The following SNAP25 variants were observed in gnomAD, a reference collection of about 807,000 sequenced individuals.
The protein encoded by SNAP25 is synaptosomal-associated protein 25.
In SNAP25, 3 loss-of-function variants were observed where a neutral mutation model predicts 28.7. The ratio of observed to expected loss-of-function variants is 0.10; its 90% confidence interval spans 0.05 to 0.27. The LOEUF (loss-of-function observed/expected upper bound fraction) is 0.27, where lower values mean the gene tolerates loss of function less well. SNAP25 is among the 10% of genes least tolerant of loss of function. The pLI is 1.00. For missense variants in SNAP25, 117 were observed against 278.7 expected (o/e 0.42, Z 4.13); for synonymous variants, 61 against 88.1 (o/e 0.69, Z 1.72).
At chr20:10,277,760 A>C (rs1353662656) in intron 3 of SNAP25, 34 bp downstream of exon 3, 1 of 1,590,938 alleles carries the variant, frequency 6.3e-7, no homozygotes, top group Non-Finnish European at 8.6e-7. Context: ...ATAAAGGAAC[A>C]AATCCCTTAT....
At chr20:10,256,316 A>T (rs2063318098) in intron 1 of SNAP25, among the ~76,000 whole-genome samples, 1 of 152,242 alleles carries the variant, frequency 6.6e-6, no homozygotes, top group Non-Finnish European at 1.5e-5. Context: ...TTGAGTCATA[A>T]ACTAATGGAG....
At chr20:10,270,624 A>G (rs901300434) in intron 1 of SNAP25, among the ~76,000 whole-genome samples, 5 of 151,886 alleles carry the variant, frequency 3.3e-5, no homozygotes, top group Non-Finnish European at 7.4e-5. Flanking sequence ...TACTTGAACC[A>G]GGAGGCAGAG....
At position 10,296,995 on chromosome 20, in the gene SNAP25, G is replaced by A. The variant is rs1447601781; in HGVS notation, c.352G>A (p.Ala118Thr). The A allele has an allele frequency of 6.2e-7, 1 of 1,613,158 alleles. No homozygotes were observed. The highest frequency in any genetic ancestry group is 1.7e-5 in the Admixed American group (1 of 59,818). Reference protein sequence around the residue: ...NQDGVVASQPARVVDEREQMA... With the variant: ...NQDGVVASQPTRVVDEREQMA... ...GGACGGAGTGGTGGCCAGCCAGCCT[G>A]CTCGTGTAGTGGACGAACGGGAGCA... Residue 118 changes from alanine to threonine, a missense_variant, in exon 6 of 8, where the codon GCT becomes ACT. Transcript: ENST00000254976.
At chr20:10,248,977 C>G (rs551446549) in intron 1 of SNAP25, among the ~76,000 whole-genome samples, 163 of 152,254 alleles carry the variant, frequency 1.1e-3, no homozygotes, top group Middle Eastern at 3.4e-3. Context: ...CTGTTAATTC[C>G]GCTTCACAGA....
chr20:10,292,977 C>A, intron 4 of SNAP25, 184 bp from the exon 5 acceptor site: 1 of 1,611,784 alleles, frequency 6.2e-7, no homozygotes, highest in Non-Finnish European at 8.5e-7. Context: ...ATGCTGTGGC[C>A]TTTTCATATG....
rs770874027 is a variant in SNAP25, at chr20:10,293,188, T to C, written c.191T>C (p.Met64Thr). Residue 64 changes from methionine to threonine, a missense_variant, in exon 5 of 8, where the codon ATG (methionine) becomes ACG (threonine). Around this residue, in one of 3 missense-constraint regions of SNAP25, gnomAD observed 88 missense variants for 206.9 expected, o/e 0.43. Coordinates refer to ENST00000254976, the MANE Select transcript of SNAP25 (RefSeq NM_130811.4). The surrounding 1 kb of genome is among the most constrained non-coding windows in gnomAD (Gnocchi z 5.6). ...CAACTGGAACGCATTGAGGAAGGGATGGACCAAATCAATAAGGACATGAAA... is the reference window on the plus strand; with the variant it reads ...CAACTGGAACGCATTGAGGAAGGGACGGACCAAATCAATAAGGACATGAAA... ...GEQLERIEEG[M>T]DQINKDMKEA... 1 of 1,614,092 alleles carries C rather than the reference T, an allele frequency of 6.2e-7. No homozygotes were observed. Among genetic ancestry groups the C allele is most frequent in the Non-Finnish European group, 8.5e-7 (1 of 1,179,994 alleles).
intron 7 of SNAP25, among the ~76,000 whole-genome samples, chr20:10,301,879 T>A (rs6133848): frequency 3.5e-5 from 5 of 144,146 alleles, no homozygotes; most frequent in Non-Finnish European, 7.5e-5. Context: ...ATATAATATA[T>A]AATATATATA....
intron 1 of SNAP25, among the ~76,000 whole-genome samples, chr20:10,240,946 G>C (rs2063017687): frequency 6.6e-6 from 1 of 152,186 alleles, no homozygotes. Flanking sequence ...ATCACAGCAG[G>C]CTTTGGGGGT....
Position 10,275,484 on chromosome 20 carries a change from C to G in SNAP25, c.-8C>G. On this transcript the variant is annotated 5_prime_UTR_variant, in exon 2 of 8. Coordinates refer to ENST00000254976, the MANE Select transcript of SNAP25 (RefSeq NM_130811.4). ...AGCCCAGGCGCCCAGCCACTCCCCA[C>G]CGCTACCATGGCCGAAGACGCAGAC... The G allele has an allele frequency of 6.2e-7, 1 of 1,600,596 alleles. No homozygotes were observed. Among genetic ancestry groups the G allele is most frequent in the Non-Finnish European group, 8.5e-7 (1 of 1,173,302 alleles).
At chr20:10,285,877 A>G (rs2063867431) in intron 4 of SNAP25, among the ~76,000 whole-genome samples, 2 of 152,250 alleles carry the variant, frequency 1.3e-5, no homozygotes, top group African/African-American at 2.4e-5. Context: ...GCAGACTGGC[A>G]TAAATTTTAA....
intron 1 of SNAP25, among the ~76,000 whole-genome samples, chr20:10,263,987 A>G (rs1264401108): frequency 1.3e-5 from 2 of 152,170 alleles, no homozygotes; most frequent in Non-Finnish European, 2.9e-5. Flanking sequence ...CTGTTGCATA[A>G]TACAAACCAC....
rs362998 is a variant in SNAP25 at position 10,296,973 on chromosome 20, C to T, written c.330C>T (p.Asp110=). The part of the protein sequence containing the change: ...AYKKAWGNNQ[D]GVVASQPARV... ...AAAAAGCCTGGGGCAATAATCAGGA[C>T]GGAGTGGTGGCCAGCCAGCCTGCTC... The change falls in exon 6 of 8, where the codon GAC becomes GAT. Residue 110 remains aspartate, a synonymous_variant. Transcript: ENST00000254976. 0.082 allele frequency: 132,033 copies of T among 1,613,744 alleles called. 7,127 individuals are homozygous for T. The highest frequency in any genetic ancestry group is 0.22 in the East Asian group (9,907 of 44,854).
intron 1 of SNAP25, among the ~76,000 whole-genome samples, chr20:10,220,945 T>C (rs80007170): frequency 0.028 from 4,234 of 152,226 alleles, 212 homozygotes; most frequent in African/African-American, 0.096. Flanking sequence ...TGTTTCCATG[T>C]ATGTATATGT....
chr20:10,272,959 C>T (rs2063623333), intron 1 of SNAP25, among the ~76,000 whole-genome samples: 1 of 152,106 alleles, frequency 6.6e-6, no homozygotes, highest in South Asian at 2.1e-4. Flanking sequence ...TATGATTTCT[C>T]CTTTTTCACA....
At chr20:10,237,890 A>G (rs930933197) in intron 1 of SNAP25, among the ~76,000 whole-genome samples, 1 of 152,174 alleles carries the variant, frequency 6.6e-6, no homozygotes, top group African/African-American at 2.4e-5. Flanking sequence ...AGGCCCAGCC[A>G]TGTCCAGCCC....
At chr20:10,296,471 G>C (rs367959106) in intron 5 of SNAP25, 1 of 161,134 alleles carries the variant, frequency 6.2e-6, no homozygotes, top group South Asian at 1.7e-4. Flanking sequence ...GTAAAAACTT[G>C]GTTGAGGATG....
chr20:10,306,326 C>T lies in SNAP25; in HGVS notation c.*129C>T. On this transcript the variant is annotated 3_prime_UTR_variant, in exon 8 of 8. Coordinates refer to ENST00000254976, the MANE Select transcript of SNAP25 (RefSeq NM_130811.4). ...GTCCACCCCCATTGTGAATGTTGTCCTGTGTCATCTGTCAGCTTCCCAACA... is the reference window on the plus strand; with the variant it reads ...GTCCACCCCCATTGTGAATGTTGTCTTGTGTCATCTGTCAGCTTCCCAACA... The T allele has an allele frequency of 1.4e-6, 1 of 733,880 alleles. No homozygotes were observed. Among genetic ancestry groups the T allele is most frequent in the Non-Finnish European group, 2.3e-6 (1 of 434,214 alleles). The allele number at this position is 733,880 out of a possible 1,614,324, so 45.5% of individuals were successfully genotyped here.
At chr20:10,296,047 C>G (rs2064101875) in intron 5 of SNAP25, among the ~76,000 whole-genome samples, 1 of 152,240 alleles carries the variant, frequency 6.6e-6, no homozygotes. Flanking sequence ...AAGGCTATTA[C>G]TGTCCTGCTA....
rs757577862 is a variant in SNAP25 at position 10,292,841 on chromosome 20, A to C, written c.164-320A>C. 10 of 1,400,566 alleles carry C rather than the reference A, an allele frequency of 7.1e-6. No homozygotes were observed. The Admixed American group carries it at 8.6e-5, about 12-fold the overall frequency. 86.8% of individuals were successfully genotyped at this position (1,400,566 alleles called of 1,614,324 possible). ...TTCTCATGTTCTGTTGGAGACCCCC[A>C]AAAAATTCATTCCACACTGTCATCC... On this transcript the variant is annotated intron_variant, in intron 4 of 7. Transcript: ENST00000254976.
Sources: allele counts gnomAD v4.1 joint callset (sites outside exome capture counted in the v4.1 genomes callset), GRCh38; gene constraint gnomAD v4.1.1; regional missense constraint gnomAD v4.1.1; non-coding constraint Gnocchi (gnomAD v3.1); transcripts MANE v1.5; gene names NCBI Gene and HGNC (gene_info 2026-07-23, HGNC 2026-07-21).